IGSF9: variants seen among roughly 807,000 people sequenced by gnomAD.
The protein encoded by IGSF9 is immunoglobulin superfamily member 9, also known as protein turtle homolog A.
A neutral mutation model predicts 121.7 loss-of-function variants in IGSF9; 87 were observed. The ratio of observed to expected loss-of-function variants is 0.71; its 90% CI spans 0.60 to 0.85. The LOEUF (loss-of-function observed/expected upper bound fraction) is 0.85, where lower values mean the gene tolerates loss of function less well. Ranked by LOEUF, IGSF9 falls within the 40% of genes least tolerant of loss-of-function variation. IGSF9 has a pLI of 0.00. For missense variants in IGSF9, 1,462 were observed against 1,565.3 expected, an observed-to-expected ratio of 0.93 and a Z score of 1.11; for synonymous variants, 640 against 648.4, an observed-to-expected ratio of 0.99 and a Z score of 0.20.
chr1:159,928,607 C>T lies in IGSF9; in HGVS notation c.2781G>A (p.Leu927=), dbSNP rs372978576. The T allele has an allele frequency of 2.0e-6, 3 of 1,500,664 alleles. No homozygotes were observed. The highest frequency in any genetic ancestry group is 2.3e-5 in the Admixed American group (1 of 42,692). The allele number at this position is 1,500,664 out of a possible 1,614,324, so 93.0% of individuals were successfully genotyped here. A position where few individuals can be genotyped will look rare whatever the true frequency, so the allele number is the denominator to read the frequency against. The change falls in exon 19 of 21, where the codon CTG becomes CTA. Residue 927 remains leucine (L), a synonymous_variant. Coordinates refer to ENST00000368094, the MANE Select transcript of IGSF9 (RefSeq NM_001135050.2). ...LPGPGPLLQY[L]SLPFFREMNV... ...TCATCTCTCGGAAGAAGGGCAGGCT[C>T]AGGTACTGGAGCAGGGGTCCAGGAC... is the stretch of plus-strand genomic sequence containing the variant.
chr1:159,932,418 C>CG lies in IGSF9; in HGVS notation c.1245+93_1245+94insC. 1 of 801,928 alleles carries CG rather than the reference C, an allele frequency of 1.2e-6. No individual in the cohort carries two copies. The highest frequency in any genetic ancestry group is 2.0e-6 in the Non-Finnish European group (1 of 502,476). 49.7% of individuals were successfully genotyped at this position (801,928 alleles called of 1,614,324 possible). A position where few individuals can be genotyped will look rare whatever the true frequency, so the allele number is the denominator to read the frequency against. ...AACTTGGAAACCCCTCCCCATGTGTCTGCCCCACCCCACCCCCATCAGCCT... is the reference window on the plus strand; with the variant it reads ...AACTTGGAAACCCCTCCCCATGTGTCGTGCCCCACCCCACCCCCATCAGCCT... On this transcript the variant is annotated intron_variant, in intron 10 of 20. Transcript: ENST00000368094. This position sits in a 1 kb window ranked among gnomAD's most constrained non-coding sequence, Gnocchi z 4.1.
At chr1:159,941,005 GC>G (rs1557937256) in intron 3 of IGSF9, among the ~76,000 whole-genome samples, 1 of 152,168 alleles carries the variant, frequency 6.6e-6, no homozygotes, top group African/African-American at 2.4e-5. Context: ...AGGCTGGGGC[GC>G]TTTACACACA....
chr1:159,933,922 T>C (rs1651089989), intron 9 of IGSF9: 2 of 507,282 alleles, frequency 3.9e-6, no homozygotes, highest in Non-Finnish European at 7.1e-6. Flanking sequence ...TCAGTTCTCC[T>C]TCTTGACTCT....
intron 6 of IGSF9, among the ~76,000 whole-genome samples, chr1:159,935,324 C>T (rs547191949): frequency 6.6e-6 from 1 of 152,304 alleles, no homozygotes; most frequent in Admixed American, 6.5e-5. Context: ...CAGCACCTGG[C>T]TCCTACTACA....
intron 3 of IGSF9, among the ~76,000 whole-genome samples, chr1:159,942,652 C>T (rs1225246519): frequency 2.6e-5 from 4 of 152,056 alleles, no homozygotes; most frequent in Non-Finnish European, 5.9e-5. Flanking sequence ...AAAGCAGTTA[C>T]AGAATTAGAA....
At chr1:159,938,885 C>G (rs187401178) in intron 3 of IGSF9, among the ~76,000 whole-genome samples, 8 of 152,290 alleles carry the variant, frequency 5.3e-5, no homozygotes, top group Non-Finnish European at 1.0e-4. Flanking sequence ...TAAATGAGCT[C>G]TAGATTTGAA....
rs141409628 is a variant in IGSF9 at position 159,931,851 on chromosome 1, G to A, written c.1323C>T (p.Ser441=). The A allele has an allele frequency of 9.4e-6, 15 of 1,593,726 alleles. No individual in the cohort carries two copies. Among genetic ancestry groups the A allele is most frequent in the Admixed American group, 1.8e-5 (1 of 54,192 alleles). The change falls in exon 11 of 21, where the codon TCC becomes TCT. Residue 441 remains serine, a synonymous_variant. Transcript: ENST00000368094. This position sits in a 1 kb window ranked among gnomAD's most constrained non-coding sequence, Gnocchi z 4.8. ...CAACAGGAGGAGGGTCCCCTTGGGC[G>A]GAGCAGGGGATGAGCAGCTCCCGCC... ...EVGRELLIPC[S]AQGDPPPVVS... is the part of the protein sequence containing the mutation.
In IGSF9 at chr1:159,931,307, T is replaced by G; in HGVS notation, c.1514-46A>C. On this transcript the variant is annotated intron_variant, in intron 12 of 20. Transcript: ENST00000368094. This position sits in a 1 kb window ranked among gnomAD's most constrained non-coding sequence, Gnocchi z 4.8. ...GGATGGTGGTCAGGGCCTGAGGGAG[T>G]GTACAGAGTAGCAGGGGCCCCAGGG... 6.2e-7 allele frequency: 1 copy of G among 1,611,568 alleles called. No individual in the cohort carries two copies. The highest frequency in any genetic ancestry group is 8.5e-7 in the Non-Finnish European group (1 of 1,178,538).
At position 159,931,577 on chromosome 1, in the gene IGSF9, G is replaced by A; in HGVS notation, c.1389C>T (p.Ala463=). ...TGAGGCTGCTGTTGCTGTCCACCTG[G>A]GCCTGGCCTTGCAGCCCCCGGCCCA... The part of the protein sequence containing the change: ...TKVGRGLQGQ[A]QVDSNSSLIL... The change falls in exon 12 of 21, where the codon GCC becomes GCT. Residue 463 remains alanine (A), a synonymous_variant. Coordinates refer to ENST00000368094, the MANE Select transcript of IGSF9 (RefSeq NM_001135050.2). This position sits in a 1 kb window ranked among gnomAD's most constrained non-coding sequence, Gnocchi z 4.8. The A allele has an allele frequency of 6.2e-7, 1 of 1,613,988 alleles. No homozygotes were observed. Among genetic ancestry groups the A allele is most frequent in the Non-Finnish European group, 8.5e-7 (1 of 1,179,958 alleles).
chr1:159,934,518 C>T lies in IGSF9; in HGVS notation c.868G>A (p.Ala290Thr), dbSNP rs1651116331. 3 of 1,613,288 alleles carry T rather than the reference C, an allele frequency of 1.9e-6. No individual in the cohort carries two copies. The Admixed American group carries it at 5.0e-5, about 27-fold the overall frequency. The change falls in exon 8 of 21, where the codon GCC becomes ACC. Residue 290 changes from alanine (A) to threonine (T), a missense_variant. Transcript: ENST00000368094. ...CAGCCGGCATCATCAGGCTGGGTGG[C>T]CAGCAGCCGCAGGCTCCCGTCCACC... ...ILVDGSLRLLATQPDDAGCYT... is the reference protein window; with the variant it reads ...ILVDGSLRLLTTQPDDAGCYT...
Position 159,930,301 on chromosome 1 carries a change from T to C in IGSF9, c.1952A>G (p.Lys651Arg). The change falls in exon 15 of 21, where the codon AAG (lysine) becomes AGG (arginine). Residue 651 changes from lysine (K) to arginine (R), a missense_variant. Transcript: ENST00000368094. ...TTCCAAGACGTAGCCATCCAGTCTC[T>C]TAGGGACCAGCTCTGGGGGATCCCA... ...LHWDPPELVP[K>R]RLDGYVLEGR... is the part of the protein sequence containing the mutation. 6.2e-7 allele frequency: 1 copy of C among 1,613,862 alleles called. No individual in the cohort carries two copies. The highest frequency in any genetic ancestry group is 1.3e-5 in the African/African-American group (1 of 74,994).
At position 159,930,778 on chromosome 1, in the gene IGSF9, G is replaced by T; in HGVS notation, c.1727C>A (p.Pro576His). Reference sequence around the variant, plus strand: ...CACGCTGAACTGGTACTGGGTGTGGGGCTGCAGCCCTGGCACTAGGAGGTG... The same window carrying T: ...CACGCTGAACTGGTACTGGGTGTGGTGCTGCAGCCCTGGCACTAGGAGGTG... ...AAHLLVPGLQPHTQYQFSVLA... is the reference protein window; with the variant it reads ...AAHLLVPGLQHHTQYQFSVLA... Residue 576 changes from proline (P) to histidine (H), a missense_variant, in exon 14 of 21, where the codon CCC (proline) becomes CAC (histidine). Pro to His is a moderately conservative substitution (Grantham distance 77, BLOSUM62 -2). Around this residue, in one of 3 missense-constraint regions of IGSF9, gnomAD observed 808 missense variants for 815.2 expected, o/e 0.99. Coordinates refer to ENST00000368094, the MANE Select transcript of IGSF9 (RefSeq NM_001135050.2). 6.2e-7 allele frequency: 1 copy of T among 1,614,110 alleles called. No homozygotes were observed. Among genetic ancestry groups the T allele is most frequent in the Non-Finnish European group, 8.5e-7 (1 of 1,179,976 alleles).
Position 159,929,712 on chromosome 1 carries a change from A to C in IGSF9, c.2252T>G (p.Leu751Arg). 2 of 1,600,832 alleles carry C rather than the reference A, an allele frequency of 1.2e-6. No homozygotes were observed. Among genetic ancestry groups the C allele is most frequent in the African/African-American group, 1.3e-5 (1 of 74,912 alleles). Reference protein sequence around the residue: ...GGVCFLGVAVLVSILAGCLLN... With the variant: ...GGVCFLGVAVRVSILAGCLLN... ...GAGGCAGCCGGCCAGGATGCTCACA[A>C]GGACGGCCACTCCCAGAAAGCAGAC... The change falls in exon 17 of 21, where the codon CTT becomes CGT. Residue 751 changes from leucine (L) to arginine (R), a missense_variant. This residue lies in a region of IGSF9 where 808 missense variants were observed against 815.2 expected (regional missense o/e 0.99). Transcript: ENST00000368094.
chr1:159,939,090 T>A (rs1032783743), intron 3 of IGSF9, among the ~76,000 whole-genome samples: 2 of 152,188 alleles, frequency 1.3e-5, no homozygotes, highest in African/African-American at 4.8e-5. Flanking sequence ...TCCCCTTCTC[T>A]GCTGTCCTCA....
At chr1:159,935,359 A>G (rs1307625958) in intron 6 of IGSF9, among the ~76,000 whole-genome samples, 3 of 151,994 alleles carry the variant, frequency 2.0e-5, no homozygotes, top group African/African-American at 7.3e-5. Context: ...AGCCCTGTGG[A>G]CCCCTGCGAT....
In IGSF9 at chr1:159,927,891, T is replaced by TAAA; in HGVS notation, c.3231-7_3231-5dup. 6.5e-7 allele frequency: 1 copy of TAAA among 1,544,750 alleles called. No homozygotes were observed. Among genetic ancestry groups the TAAA allele is most frequent in the Admixed American group, 1.9e-5 (1 of 53,178 alleles). The stretch of plus-strand genomic sequence containing the variant: ...CTCGTCCACAGATGTGTTCCTCCTG[T>TAAA]AAAAAAAAAAAAAAAGACAAACATA... On this transcript the variant is annotated splice_region_variant and splice_polypyrimidine_tract_variant and intron_variant, in intron 19 of 20. Coordinates refer to ENST00000368094, the MANE Select transcript of IGSF9 (RefSeq NM_001135050.2).
At position 159,931,927 on chromosome 1, in the gene IGSF9, G is replaced by T. The variant is rs1474370591; in HGVS notation, c.1247C>A (p.Ala416Asp). Residue 416 changes from alanine (A) to aspartate (D), a missense_variant and splice_region_variant, in exon 11 of 21, where the codon GCT (alanine) becomes GAT (aspartate). Ala to Asp is a moderately radical substitution (Grantham distance 126). Around this residue, in one of 3 missense-constraint regions of IGSF9, gnomAD observed 558 missense variants for 599.4 expected, o/e 0.93. Transcript: ENST00000368094. This position sits in a 1 kb window ranked among gnomAD's most constrained non-coding sequence, Gnocchi z 4.8. ...GGGCCGCTCTATAAAAGCTGGGGGA[G>T]CCTGCAAGCCAGATCTGGCATTGGG... Reference protein sequence around the residue: ...PSPVTRVLLKAPPAFIERPKE... With the variant: ...PSPVTRVLLKDPPAFIERPKE... 1.3e-6 allele frequency: 2 copies of T among 1,582,552 alleles called. No homozygotes were observed. Among genetic ancestry groups the T allele is most frequent in the South Asian group, 2.3e-5 (2 of 86,722 alleles).
Position 159,928,403 on chromosome 1 carries a change from AG to A in IGSF9, c.2984del (p.Pro995LeufsTer10). 1 of 1,603,860 alleles carries A rather than the reference AG, an allele frequency of 6.2e-7. No individual in the cohort carries two copies. Among genetic ancestry groups the A allele is most frequent in the South Asian group, 1.2e-5 (1 of 85,956 alleles). ...VVGAGATAEP[P>X]YTALADWTLR... ...GTGTCCAGTCAGCCAGGGCTGTGTA[AG>A]GGGGCTCTGCAGTGGCCCCAGCCCC... On this transcript the variant is annotated frameshift_variant, in exon 19 of 21. Coordinates refer to ENST00000368094, the MANE Select transcript of IGSF9 (RefSeq NM_001135050.2). LOFTEE classifies it high-confidence loss of function.
At chr1:159,941,208 C>G (rs1651366012) in intron 3 of IGSF9, among the ~76,000 whole-genome samples, 1 of 152,198 alleles carries the variant, frequency 6.6e-6, no homozygotes, top group South Asian at 2.1e-4. Flanking sequence ...GCCACCAGCC[C>G]CACAACAGTC....
Sources: allele counts gnomAD v4.1 joint callset (sites outside exome capture counted in the v4.1 genomes callset), GRCh38; gene constraint gnomAD v4.1.1; regional missense constraint gnomAD v4.1.1; non-coding constraint Gnocchi (gnomAD v3.1); transcripts MANE v1.5; gene names NCBI Gene and HGNC (gene_info 2026-07-23, HGNC 2026-07-21).